The following SELENOS variants were observed in gnomAD, a reference collection of about 807,000 sequenced individuals.
SELENOS encodes the protein VCP interacting membrane selenoprotein.
A neutral mutation model predicts 30.2 loss-of-function variants in SELENOS; 37 were observed. The ratio of observed to expected loss-of-function variants is 1.23; its 90% CI spans 0.94 to 1.61. SELENOS has a LOEUF of 1.61. Among genes scored for constraint, SELENOS ranks in the 40% most tolerant of loss-of-function variants. The pLI, the probability that SELENOS is intolerant of heterozygous loss-of-function variation, is 0.00. For missense variants in SELENOS, 289 were observed against 231.8 expected, an observed-to-expected ratio of 1.25 and a Z score of -1.60; for synonymous variants, 119 against 91.6, an observed-to-expected ratio of 1.30 and a Z score of -1.71.
chr15:101,275,098 T>C (rs2039308955), intron 3 of SELENOS, 157 bp downstream of exon 3: 1 of 622,662 alleles, frequency 1.6e-6, no homozygotes, highest in Admixed American at 3.5e-5. Context: ...CTTCTTGATA[T>C]CACCAATACT....
rs1284249653 is a variant in SELENOS, at chr15:101,276,778, T to A, written c.77-103A>T. 2.8e-6 allele frequency: 4 copies of A among 1,421,192 alleles called. No individual in the cohort carries two copies. In the Admixed American group the frequency reaches 9.0e-5, roughly 32 times the overall value. 88.0% of individuals were successfully genotyped at this position (1,421,192 alleles called of 1,614,324 possible). On this transcript the variant is annotated intron_variant, in intron 1 of 5. Transcript: ENST00000526049. Reference sequence around the variant, plus strand: ...AGTGTAACTCCTGCCCTCAAAGCCTTCATGGTCTAGGCTGAGGAAAAAGCC... The same window carrying A: ...AGTGTAACTCCTGCCCTCAAAGCCTACATGGTCTAGGCTGAGGAAAAAGCC...
In SELENOS at chr15:101,272,719, CGA is replaced by C; in HGVS notation, c.*50_*51del. 6.5e-7 allele frequency: 1 copy of C among 1,541,902 alleles called. No individual in the cohort carries two copies. Among genetic ancestry groups the C allele is most frequent in the Non-Finnish European group, 8.8e-7 (1 of 1,135,302 alleles). On this transcript the variant is annotated 3_prime_UTR_variant, in exon 6 of 6. Coordinates refer to ENST00000526049, the MANE Select transcript of SELENOS (RefSeq NM_018445.6). ...AAAAGCGTGCGTAAGGCAATTGAAT[CGA>C]GGGTTAAGGGTTCATCTTGCTAATG...
intron 5 of SELENOS, 178 bp downstream of exon 5, chr15:101,274,242 T>A: frequency 1.4e-6 from 1 of 699,164 alleles, no homozygotes; most frequent in Non-Finnish European, 2.4e-6. Context: ...ACAATCCTTC[T>A]AAGTACTTAG....
chr15:101,271,707 G>T (rs1007538301), downstream of SELENOS: 1 of 152,148 alleles, frequency 6.6e-6, no homozygotes, highest in Non-Finnish European at 1.5e-5. Context: ...TACTTTTGCA[G>T]CGAATTACCC....
At chr15:101,275,167 G>T in intron 3 of SELENOS, 88 bp downstream of exon 3, 4 of 1,155,990 alleles carry the variant, frequency 3.5e-6, no homozygotes, top group Non-Finnish European at 4.8e-6. Context: ...GGTCCTAGAA[G>T]CTTATAGACA....
Position 101,272,627 on chromosome 15 carries a change from G to C in SELENOS, c.*144C>G. On this transcript the variant is annotated 3_prime_UTR_variant, in exon 6 of 6. Coordinates refer to ENST00000526049, the MANE Select transcript of SELENOS (RefSeq NM_018445.6). ...ACATCTATACCTTTTGCTGACTGGA[G>C]CCCTGACATATGCAGGTGTAGTTAG... The C allele has an allele frequency of 2.6e-6, 2 of 770,704 alleles. No homozygotes were observed. The highest frequency in any genetic ancestry group is 3.5e-5 in the South Asian group (2 of 57,452). The allele number at this position is 770,704 out of a possible 1,614,324, so 47.7% of individuals were successfully genotyped here. A position where few individuals can be genotyped will look rare whatever the true frequency, so the allele number is the denominator to read the frequency against.
At chr15:101,273,035 A>G (rs1191724084) in intron 5 of SELENOS, among the ~76,000 whole-genome samples, 179 bp from the exon 6 acceptor site, 2 of 152,020 alleles carry the variant, frequency 1.3e-5, no homozygotes, top group African/African-American at 4.8e-5. Flanking sequence ...TTATATTGTG[A>G]TTGCCATTTG....
At chr15:101,276,147 C>G (rs180845931) in intron 2 of SELENOS, among the ~76,000 whole-genome samples, 2 of 151,868 alleles carry the variant, frequency 1.3e-5, no homozygotes, top group African/African-American at 4.8e-5. Flanking sequence ...GTTCTCGAAC[C>G]CCTGACCTCA....
Position 101,272,708 on chromosome 15 carries a change from G to A in SELENOS, c.*63C>T. The A allele has an allele frequency of 1.3e-5, 20 of 1,511,498 alleles. No individual in the cohort carries two copies. Among genetic ancestry groups the A allele is most frequent in the Non-Finnish European group, 1.7e-5 (19 of 1,109,246 alleles). 93.6% of individuals were successfully genotyped at this position (1,511,498 alleles called of 1,614,324 possible). On this transcript the variant is annotated 3_prime_UTR_variant, in exon 6 of 6. Transcript: ENST00000526049. The stretch of plus-strand genomic sequence containing the variant: ...TAGTCACTGTGAAAAGCGTGCGTAA[G>A]GCAATTGAATCGAGGGTTAAGGGTT...
chr15:101,272,517 A>C lies in SELENOS; in HGVS notation c.*254T>G, dbSNP rs915480856. ...GCTAATCATCTAGAGGCCTTTACCT[A>C]CCAACTAGCAATTAACCATGAAATC... On this transcript the variant is annotated 3_prime_UTR_variant, in exon 6 of 6. Transcript: ENST00000526049. 12 of 428,196 alleles carry C rather than the reference A, an allele frequency of 2.8e-5. No individual in the cohort carries two copies. Among genetic ancestry groups the C allele is most frequent in the Non-Finnish European group, 4.7e-5 (11 of 235,754 alleles). The allele number at this position is 428,196 out of a possible 1,614,324, so 26.5% of individuals were successfully genotyped here. A position where few individuals can be genotyped will look rare whatever the true frequency, so the allele number is the denominator to read the frequency against.
At position 101,272,762 on chromosome 15, in the gene SELENOS, A is replaced by C. The variant is rs1487703682; in HGVS notation, c.*9T>G. On this transcript the variant is annotated 3_prime_UTR_variant, in exon 6 of 6. Transcript: ENST00000526049. ...CTTGCTAATGTCAAAAGTGACACTA[A>C]CAAGATTCTTAGCCTCATCCGCCAG... is the stretch of plus-strand genomic sequence containing the variant. 6.2e-7 allele frequency: 1 copy of C among 1,602,706 alleles called. No homozygotes were observed. Among genetic ancestry groups the C allele is most frequent in the Non-Finnish European group, 8.5e-7 (1 of 1,174,540 alleles).
At chr15:101,272,970 G>A in intron 5 of SELENOS, 114 bp from the exon 6 acceptor site, 2 of 823,740 alleles carry the variant, frequency 2.4e-6, no homozygotes, top group African/African-American at 1.8e-5. Flanking sequence ...CAAAGATACA[G>A]ATCCTAAGGG....
chr15:101,275,394 C>T, intron 2 of SELENOS, 33 bp from the exon 3 acceptor site: 9 of 1,508,150 alleles, frequency 6.0e-6, no homozygotes, highest in Non-Finnish European at 8.0e-6. Flanking sequence ...AGATAAAGCA[C>T]TGTGTACAAT....
chr15:101,272,817 G>C lies in SELENOS; in HGVS notation c.524C>G (p.Ser175Cys), dbSNP rs766545259. ...CGGGCCTCTGCGTCCAGGTCTCCAG[G>C]AGCAAGCTCCGCCTCCTTCACCAGA... ...PLSGEGGGAC[S>C]WRPGRRGPSS... is the part of the protein sequence containing the mutation. Residue 175 changes from serine (S) to cysteine (C), a missense_variant, in exon 6 of 6, where the codon TCC becomes TGC. Transcript: ENST00000526049. 1 of 1,610,544 alleles carries C rather than the reference G, an allele frequency of 6.2e-7. No individual in the cohort carries two copies. The highest frequency in any genetic ancestry group is 1.1e-5 in the South Asian group (1 of 90,024).
intron 1 of SELENOS, 56 bp downstream of exon 1, chr15:101,277,286 A>G: frequency 1.3e-6 from 2 of 1,514,420 alleles, no homozygotes; most frequent in Non-Finnish European, 1.8e-6. Context: ...CCCACCCATC[A>G]TGGCTGCGCG....
downstream of SELENOS, chr15:101,271,125 C>T (rs1431612308): frequency 2.6e-5 from 4 of 152,316 alleles, no homozygotes; most frequent in South Asian, 4.1e-4. Flanking sequence ...TATGAAACCC[C>T]GACCCAGAGC....
At chr15:101,277,294 G>C in intron 1 of SELENOS, 48 bp downstream of exon 1, 1 of 1,513,206 alleles carries the variant, frequency 6.6e-7, no homozygotes, top group Non-Finnish European at 8.8e-7. Flanking sequence ...TCATGGCTGC[G>C]CGTCGCAAAA....
chr15:101,270,934 G>C (rs959320677), downstream of SELENOS: 2 of 152,090 alleles, frequency 1.3e-5, no homozygotes, highest in African/African-American at 2.4e-5. Context: ...ATGCAAGGGG[G>C]GCATGCAGAA....
chr15:101,275,439 A>G, intron 2 of SELENOS, 78 bp from the exon 3 acceptor site: 1 of 1,195,388 alleles, frequency 8.4e-7, no homozygotes, highest in Non-Finnish European at 1.1e-6. Context: ...CATATTATTA[A>G]AAGTATAAAG....
Sources: gnomAD v4.1 joint callset for allele counts (sites outside exome capture counted in the v4.1 genomes callset) on GRCh38, gnomAD v4.1.1 for gene constraint, MANE v1.5 for transcripts, NCBI Gene and HGNC (gene_info 2026-07-23, HGNC 2026-07-21) for gene names.